Variants in NT5C3A observed in about 807,000 individuals in gnomAD.
NT5C3A encodes 5'-nucleotidase, cytosolic IIIA.
NT5C3A carries 23 observed loss-of-function variants against 40.0 expected under a neutral mutation model. The ratio of observed to expected loss-of-function variants is 0.58; its 90% CI spans 0.41 to 0.81. NT5C3A has a LOEUF of 0.81. Ranked by LOEUF, NT5C3A falls within the 40% of genes least tolerant of loss-of-function variation. The pLI is 0.00. For synonymous variants in NT5C3A, 130 were observed against 141.4 expected (o/e 0.92, Z 0.57); for missense variants, 328 against 403.0 (o/e 0.81, Z 1.59).
In NT5C3A at chr7:33,026,856, A is replaced by G; in HGVS notation, c.198T>C (p.Ile66=). The stretch of plus-strand genomic sequence containing the variant: ...CTCCTCCTTTGATAAGACCACAGAT[A>G]ATTTCTTCTACTCTTGTAGGGTTCT... The part of the protein sequence containing the change: ...RIKNPTRVEE[I]ICGLIKGGAA... The change falls in exon 2 of 9, where the codon ATT becomes ATC. Residue 66 remains isoleucine, a synonymous_variant. Coordinates refer to ENST00000610140, the MANE Select transcript of NT5C3A (RefSeq NM_001002010.5). The G allele has an allele frequency of 1.2e-6, 2 of 1,612,576 alleles. No individual in the cohort carries two copies. Among genetic ancestry groups the G allele is most frequent in the Non-Finnish European group, 8.5e-7 (1 of 1,179,706 alleles).
At chr7:33,030,700 T>G (rs1432534798) in intron 1 of NT5C3A, among the ~76,000 whole-genome samples, 1 of 152,184 alleles carries the variant, frequency 6.6e-6, no homozygotes, top group Non-Finnish European at 1.5e-5. Flanking sequence ...ACTTAATATA[T>G]TTATAGAGAT....
intron 1 of NT5C3A, among the ~76,000 whole-genome samples, chr7:33,053,683 T>TGAAA (rs557024957): frequency 0.037 from 5,607 of 151,444 alleles, 148 homozygotes; most frequent in East Asian, 0.14. Flanking sequence ...AATAAATGAC[T>TGAAA]GAAAGAAAGA....
chr7:33,040,703 A>G (rs1294964368), intron 1 of NT5C3A, among the ~76,000 whole-genome samples: 1 of 152,244 alleles, frequency 6.6e-6, no homozygotes, highest in African/African-American at 2.4e-5. Flanking sequence ...AGTTTTGCAC[A>G]TTCATTTCTT....
chr7:33,024,390 C>T (rs1384700551), intron 2 of NT5C3A, among the ~76,000 whole-genome samples: 1 of 152,182 alleles, frequency 6.6e-6, no homozygotes, highest in Non-Finnish European at 1.5e-5. Context: ...CAAAGAGATG[C>T]TGTCATCTGC....
intron 6 of NT5C3A, 101 bp from the exon 7 acceptor site, chr7:33,017,702 C>T: frequency 1.1e-6 from 1 of 907,886 alleles, no homozygotes; most frequent in Non-Finnish European, 1.8e-6. Flanking sequence ...TTCTATGGCT[C>T]ACTCATATTC....
chr7:33,014,856 A>C, intron 8 of NT5C3A, 25 bp from the exon 9 acceptor site: 1 of 1,587,486 alleles, frequency 6.3e-7, no homozygotes, highest in Non-Finnish European at 8.6e-7. Context: ...AACAAAAGAA[A>C]ATTAACATGC....
intron 2 of NT5C3A, 35 bp from the exon 3 acceptor site, chr7:33,024,143 A>C: frequency 7.2e-6 from 9 of 1,245,864 alleles, no homozygotes; most frequent in Non-Finnish European, 1.1e-5. Context: ...TATTGTAAAC[A>C]TAGCCCACAT....
chr7:33,024,898 G>A (rs1244582076), intron 2 of NT5C3A, among the ~76,000 whole-genome samples: 1 of 152,118 alleles, frequency 6.6e-6, no homozygotes, highest in Non-Finnish European at 1.5e-5. Context: ...CCAGCACTTT[G>A]GGAGGCCGAG....
At position 33,019,709 on chromosome 7, in the gene NT5C3A, A is replaced by G. The variant is rs750009575; in HGVS notation, c.456T>C (p.His152=). The change falls in exon 6 of 9, where the codon CAT becomes CAC. Residue 152 remains histidine (H), a synonymous_variant. Coordinates refer to ENST00000610140, the MANE Select transcript of NT5C3A (RefSeq NM_001002010.5). ...PYMVEWYTKS[H]GLLVQQALPK... is the part of the protein sequence containing the mutation. ...GTAAAGCTTGCTGAACAAGCAAACC[A>G]TGTGATTTAGTATACCTGGAGTTTA... 1 of 1,602,910 alleles carries G rather than the reference A, an allele frequency of 6.2e-7. No homozygotes were observed.
intron 1 of NT5C3A, chr7:33,036,054 T>C: frequency 8.0e-7 from 1 of 1,245,384 alleles, no homozygotes; most frequent in Non-Finnish European, 1.2e-6. Context: ...ATACATAAAT[T>C]TCAGGTTCTT....
intron 6 of NT5C3A, 74 bp downstream of exon 6, chr7:33,019,561 G>T: frequency 1.1e-6 from 1 of 904,172 alleles, no homozygotes; most frequent in Non-Finnish European, 1.8e-6. Flanking sequence ...TTTTTAAAAA[G>T]TACAACTGAC....
At chr7:33,045,312 A>G (rs774962687) in intron 1 of NT5C3A, among the ~76,000 whole-genome samples, 1 of 152,236 alleles carries the variant, frequency 6.6e-6, no homozygotes, top group Non-Finnish European at 1.5e-5. Flanking sequence ...ACAACAGTGA[A>G]CTGACTTCAA....
In NT5C3A at chr7:33,026,828, C is replaced by G. The variant is rs150665344; in HGVS notation, c.226G>C (p.Ala76Pro). 5.6e-6 allele frequency: 9 copies of G among 1,608,374 alleles called. No individual in the cohort carries two copies. Among genetic ancestry groups the G allele is most frequent in the Non-Finnish European group, 7.6e-6 (9 of 1,176,756 alleles). Residue 76 changes from alanine (A) to proline (P), a missense_variant, in exon 2 of 9, where the codon GCC (alanine) becomes CCC (proline). By Grantham distance (27) the Ala-to-Pro change is conservative (BLOSUM62 -1). Coordinates refer to ENST00000610140, the MANE Select transcript of NT5C3A (RefSeq NM_001002010.5). Reference protein sequence around the residue: ...IICGLIKGGAAKLQIITDFDM... With the variant: ...IICGLIKGGAPKLQIITDFDM... ...TGATAATTATTCACCTGAAGTTTGG[C>G]AGCTCCTCCTTTGATAAGACCACAG...
intron 6 of NT5C3A, 75 bp from the exon 7 acceptor site, chr7:33,017,676 G>T: frequency 8.8e-7 from 1 of 1,134,508 alleles, no homozygotes; most frequent in Non-Finnish European, 1.3e-6. Flanking sequence ...CTAAAAAAGT[G>T]AAATATTCCT....
Position 33,038,512 on chromosome 7 carries a change from T to C in NT5C3A, c.139-11597A>G, listed in dbSNP as rs550033598. On this transcript the variant is annotated intron_variant, in intron 1 of 8. Transcript: ENST00000610140. ...AACTTTAGGACCTTTTTTTTTTTTT[T>C]GGTAAGTATACCAACAATTCATGAA... Among the ~76,000 whole-genome samples the C allele has an allele frequency of 1.9e-3, 285 of 151,636 alleles. 1 individual carries two copies. Among genetic ancestry groups the C allele is most frequent in the Non-Finnish European group, 3.6e-3 (246 of 67,868 alleles).
intron 1 of NT5C3A, among the ~76,000 whole-genome samples, chr7:33,037,519 CT>C (rs1246963210): frequency 6.6e-6 from 1 of 152,112 alleles, no homozygotes; most frequent in Non-Finnish European, 1.5e-5. Flanking sequence ...GATCTGTGTT[CT>C]TTATAATTAA....
At chr7:33,038,800 T>C (rs1786743814) in intron 1 of NT5C3A, 2 of 455,546 alleles carry the variant, frequency 4.4e-6, no homozygotes, top group Non-Finnish European at 4.4e-6. Flanking sequence ...ATACCTGGTA[T>C]ATAAAGTTCT....
At chr7:33,027,102 T>C (rs1386039288) in intron 1 of NT5C3A, 187 bp from the exon 2 acceptor site, 1 of 502,924 alleles carries the variant, frequency 2.0e-6, no homozygotes, top group Non-Finnish European at 3.6e-6. Flanking sequence ...TGAGGTCTTG[T>C]TTTGTCACCC....
At position 33,015,516 on chromosome 7, in the gene NT5C3A, T is replaced by C. The variant is rs570886640; in HGVS notation, c.894+154A>G. Among the ~76,000 whole-genome samples the C allele has an allele frequency of 3.9e-5, 6 of 152,244 alleles. 1 individual carries two copies. The South Asian group carries it at 1.2e-3, about 32-fold the overall frequency. On this transcript the variant is annotated intron_variant, in intron 8 of 8. Coordinates refer to ENST00000610140, the MANE Select transcript of NT5C3A (RefSeq NM_001002010.5). ...AGGTCGAGGCTGCAGTGAGATGTGA[T>C]TGCATCACTACACTCTAGCCTCGGT... is the stretch of plus-strand genomic sequence containing the variant.
Sources: gnomAD v4.1 joint callset for allele counts (sites outside exome capture counted in the v4.1 genomes callset) on GRCh38, gnomAD v4.1.1 for gene constraint, MANE v1.5 for transcripts, NCBI Gene and HGNC (gene_info 2026-07-23, HGNC 2026-07-21) for gene names.